Variants in SHISAL1 observed in about 807,000 individuals in gnomAD.
SHISAL1 encodes the protein protein shisa-like-1.
A neutral mutation model predicts 22.6 loss-of-function variants in SHISAL1; 9 were observed. That is an observed-to-expected ratio of 0.40 (90% CI 0.24 to 0.70). The LOEUF (loss-of-function observed/expected upper bound fraction) is 0.70, where lower values mean the gene tolerates loss of function less well. Among genes scored for constraint, SHISAL1 ranks in the 30% least tolerant of loss-of-function variants. The pLI, the probability that SHISAL1 is intolerant of heterozygous loss-of-function variation, is 0.39. For missense variants in SHISAL1, 246 were observed against 270.6 expected, an observed-to-expected ratio of 0.91 and a Z score of 0.64; for synonymous variants, 119 against 115.4, an observed-to-expected ratio of 1.03 and a Z score of -0.20.
intron 1 of SHISAL1, among the ~76,000 whole-genome samples, chr22:44,302,470 G>T (rs1295111402): frequency 6.6e-6 from 1 of 152,236 alleles, no homozygotes; most frequent in Non-Finnish European, 1.5e-5. Context: ...TCTGGGGAGT[G>T]GTGCCGAGAA....
intron 4 of SHISAL1, among the ~76,000 whole-genome samples, chr22:44,277,207 G>A (rs760441238): frequency 1.3e-5 from 2 of 152,178 alleles, no homozygotes; most frequent in Non-Finnish European, 2.9e-5. Flanking sequence ...TCACGGACGC[G>A]ATGCCGGGAG....
chr22:44,313,242 G>C (rs780218762), upstream of SHISAL1, among the ~76,000 whole-genome samples: 1 of 152,380 alleles, frequency 6.6e-6, no homozygotes, highest in Non-Finnish European at 1.5e-5. Context: ...CTCAGCAGAT[G>C]CTTGGCACAA....
At chr22:44,303,387 T>C (rs1245711772) in intron 1 of SHISAL1, among the ~76,000 whole-genome samples, 1 of 152,062 alleles carries the variant, frequency 6.6e-6, no homozygotes, top group Non-Finnish European at 1.5e-5. Flanking sequence ...GTAGGGTGGC[T>C]CCCTAATCCA....
intron 4 of SHISAL1, among the ~76,000 whole-genome samples, chr22:44,281,943 C>T (rs774705281): frequency 1.3e-5 from 2 of 152,230 alleles, no homozygotes; most frequent in African/African-American, 2.4e-5. Flanking sequence ...CCTGGCCACG[C>T]GATTCGGCAG....
chr22:44,331,321 A>C, the SHISAL1 span, among the ~76,000 whole-genome samples: 3 of 70,560 alleles, frequency 4.3e-5, no homozygotes, highest in Non-Finnish European at 5.7e-5. This position sits in a 1 kb window ranked among gnomAD's most constrained non-coding sequence, Gnocchi z 5.2. Flanking sequence ...CAAAGCGCCC[A>C]CCCTTCACCC....
chr22:44,268,385 T>C (rs960604442), intron 4 of SHISAL1, among the ~76,000 whole-genome samples: 1 of 152,178 alleles, frequency 6.6e-6, no homozygotes, highest in Non-Finnish European at 1.5e-5. Context: ...GGTCAGCACC[T>C]CCATTAGCCA....
intron 4 of SHISAL1, among the ~76,000 whole-genome samples, chr22:44,263,878 G>A (rs776375010): frequency 1.1e-4 from 16 of 152,202 alleles, no homozygotes; most frequent in Non-Finnish European, 2.4e-4. Context: ...GACTAAATCC[G>A]TGTTGCTTTA....
the SHISAL1 span, among the ~76,000 whole-genome samples, chr22:44,327,312 C>G: frequency 6.6e-6 from 1 of 151,914 alleles, no homozygotes; most frequent in Non-Finnish European, 1.5e-5. Context: ...CTGCCTGGGC[C>G]TGGTCTGACG....
chr22:44,260,196 G>T (rs1485600867), intron 4 of SHISAL1, among the ~76,000 whole-genome samples: 1 of 152,190 alleles, frequency 6.6e-6, no homozygotes, highest in East Asian at 1.9e-4. Flanking sequence ...AAGCTGAAGT[G>T]ATTCCCTTAA....
At chr22:44,306,541 G>A (rs2055475925) in intron 1 of SHISAL1, among the ~76,000 whole-genome samples, 1 of 110,702 alleles carries the variant, frequency 9.0e-6, no homozygotes, top group Non-Finnish European at 1.9e-5. Flanking sequence ...CTCTGATGAC[G>A]ATGGCATGTG....
intron 4 of SHISAL1, among the ~76,000 whole-genome samples, chr22:44,250,803 TTC>T (rs1221247997): frequency 6.6e-6 from 1 of 152,234 alleles, no homozygotes; most frequent in East Asian, 1.9e-4. Context: ...GCAGTTGAAT[TTC>T]TTTTACTTGC....
chr22:44,299,145 G>A (rs910045991), intron 2 of SHISAL1, among the ~76,000 whole-genome samples: 5 of 152,192 alleles, frequency 3.3e-5, no homozygotes, highest in Non-Finnish European at 5.9e-5. Flanking sequence ...ACTAGAGGCT[G>A]TAAAGGGCAG....
intron 1 of SHISAL1, among the ~76,000 whole-genome samples, chr22:44,307,393 G>C (rs2055486995): frequency 6.6e-6 from 1 of 152,146 alleles, no homozygotes; most frequent in Non-Finnish European, 1.5e-5. Context: ...CTTGCCCAAG[G>C]TCACACAGCC....
chr22:44,297,063 T>C (rs986395922), intron 2 of SHISAL1, among the ~76,000 whole-genome samples, 178 bp from the exon 3 acceptor site: 1 of 152,202 alleles, frequency 6.6e-6, no homozygotes, highest in South Asian at 2.1e-4. Context: ...CTCCCAGCCC[T>C]GGTTACATTC....
chr22:44,286,170 C>T (rs2055314159), intron 3 of SHISAL1, among the ~76,000 whole-genome samples: 1 of 152,178 alleles, frequency 6.6e-6, no homozygotes, highest in Non-Finnish European at 1.5e-5. Flanking sequence ...GTTCCTGGCA[C>T]CCGGGATGCT....
At position 44,280,546 on chromosome 22, in the gene SHISAL1, A is replaced by G. The variant is rs900757503; in HGVS notation, c.599+4882T>C. The stretch of plus-strand genomic sequence containing the variant: ...CTCTGCTGGGCCCTGCAGGTCTTAC[A>G]GGGTGTTGAACAGCAGCCTGAAGCT... On this transcript the variant is annotated intron_variant, in intron 4 of 4. Coordinates refer to ENST00000381176, the MANE Select transcript of SHISAL1 (RefSeq NM_001099294.2). 5.3e-5 allele frequency among the ~76,000 whole-genome samples: 8 copies of G among 152,252 alleles called. No homozygotes were observed. The East Asian group carries it at 1.5e-3, about 29-fold the overall frequency.
At chr22:44,278,931 A>C (rs998003600) in intron 4 of SHISAL1, among the ~76,000 whole-genome samples, 2 of 152,068 alleles carry the variant, frequency 1.3e-5, no homozygotes, top group Admixed American at 6.5e-5. Context: ...CTGCAGTCCC[A>C]CTGTGTACCC....
At chr22:44,299,319 G>A (rs12160824) in intron 2 of SHISAL1, among the ~76,000 whole-genome samples, 2,427 of 152,328 alleles carry the variant, frequency 0.016, 29 homozygotes, top group Middle Eastern at 0.024. Flanking sequence ...ACAGCTCCAC[G>A]TAACTCCTGC....
upstream of SHISAL1, among the ~76,000 whole-genome samples, chr22:44,317,915 A>G (rs973042676): frequency 6.6e-6 from 1 of 152,234 alleles, no homozygotes; most frequent in African/African-American, 2.4e-5. Flanking sequence ...GCTAATGAAC[A>G]TGTCTGCCCT....
Sources: allele counts gnomAD v4.1 joint callset (sites outside exome capture counted in the v4.1 genomes callset), GRCh38; gene constraint gnomAD v4.1.1; non-coding constraint Gnocchi (gnomAD v3.1); transcripts MANE v1.5; gene names NCBI Gene and HGNC (gene_info 2026-07-23, HGNC 2026-07-21).